The following DNASE1 variants were observed in gnomAD, a reference collection of about 807,000 sequenced individuals.
DNASE1 encodes the protein deoxyribonuclease-1.
A neutral mutation model predicts 33.9 loss-of-function variants in DNASE1; 40 were observed. The ratio of observed to expected loss-of-function variants is 1.18; its 90% CI spans 0.92 to 1.54. DNASE1 has a LOEUF of 1.54. Ranked by LOEUF, DNASE1 falls within the 40% of genes most tolerant of loss-of-function variation. DNASE1 has a pLI of 0.00. For missense variants in DNASE1, 518 were observed against 372.6 expected (o/e 1.39, Z -3.21); for synonymous variants, 216 against 160.0 (o/e 1.35, Z -2.64).
chr16:3,625,161 CCAGG>C (rs2041466591), intron 1 of DNASE1, among the ~76,000 whole-genome samples: 3 of 152,202 alleles, frequency 2.0e-5, no homozygotes, highest in Admixed American at 2.0e-4. Flanking sequence ...CAAAAGTTAG[CCAGG>C]TGTGGTGGTG....
chr16:3,662,079 C>T (rs2043112125), downstream of DNASE1: 2 of 1,613,268 alleles, frequency 1.2e-6, no homozygotes. Flanking sequence ...GGCGGGCAGC[C>T]CCCATCTCCA....
chr16:3,650,257 C>G (rs571378795), upstream of DNASE1, among the ~76,000 whole-genome samples: 13 of 152,286 alleles, frequency 8.5e-5, no homozygotes, highest in East Asian at 2.5e-3. Flanking sequence ...TGAGCATCAT[C>G]TGGTGGAATC....
chr16:3,656,342 AATGGGTTGAGCAG>A (rs2042618728), intron 4 of DNASE1, among the ~76,000 whole-genome samples, 157 bp downstream of exon 4: 1 of 151,296 alleles, frequency 6.6e-6, no homozygotes. Flanking sequence ...GTCCCGGACC[AATGGGTTGAGCAG>A]GTGCCTGGCT....
At chr16:3,620,476 G>T (rs1219987875) in intron 1 of DNASE1, among the ~76,000 whole-genome samples, 1 of 150,128 alleles carries the variant, frequency 6.7e-6, no homozygotes, top group Non-Finnish European at 1.5e-5. Context: ...CTGTGATCAT[G>T]CCACTCTACT....
rs930538350 is a variant in DNASE1, at chr16:3,654,716, T to C, written c.-330T>C. On this transcript the variant is annotated 5_prime_UTR_variant, in exon 1 of 9. Transcript: ENST00000246949. ...GCAGTTTTTACAGCAGCAAGAAACCTGTGCTTACAGAAAGAAACACGTGCT... is the reference window on the plus strand; with the variant it reads ...GCAGTTTTTACAGCAGCAAGAAACCCGTGCTTACAGAAAGAAACACGTGCT... 1 of 399,432 alleles carries C rather than the reference T, an allele frequency of 2.5e-6. No homozygotes were observed. The highest frequency in any genetic ancestry group is 4.4e-6 in the Non-Finnish European group (1 of 226,764). The allele number at this position is 399,432 out of a possible 1,614,324, so 24.7% of individuals were successfully genotyped here. A position where few individuals can be genotyped will look rare whatever the true frequency, so the allele number is the denominator to read the frequency against.
At chr16:3,650,366 G>A (rs1287743087), upstream of DNASE1, among the ~76,000 whole-genome samples, 1 of 151,988 alleles carries the variant, frequency 6.6e-6, no homozygotes, top group Non-Finnish European at 1.5e-5. Context: ...AGGCTAATTT[G>A]TATTAATCTG....
exon 10 of DNASE1, chr16:3,663,529 T>A: frequency 6.2e-7 from 1 of 1,613,926 alleles, no homozygotes; most frequent in South Asian, 1.1e-5. Flanking sequence ...TGCAGCAGGG[T>A]GAGCTCATCA....
intron 1 of DNASE1, among the ~76,000 whole-genome samples, chr16:3,628,705 C>T (rs960759227): frequency 2.6e-5 from 4 of 151,320 alleles, no homozygotes; most frequent in African/African-American, 7.3e-5. Context: ...ACTATAGGCG[C>T]CCGCCACCAC....
downstream of DNASE1, chr16:3,658,255 TTATGAGGGGCATGG>T (rs1567215284): frequency 1.3e-6 from 2 of 1,580,236 alleles, no homozygotes; most frequent in Non-Finnish European, 1.7e-6. Context: ...GAGAAACCCA[TTATGAGGGGCATGG>T]GGCACCTTTT....
chr16:3,633,087 T>G (rs181046131), intron 1 of DNASE1, among the ~76,000 whole-genome samples: 35 of 152,358 alleles, frequency 2.3e-4, no homozygotes, highest in African/African-American at 7.5e-4. Context: ...ACATTCTCTA[T>G]TACTTATTTG....
At chr16:3,618,603 G>T (rs886142172) in intron 1 of DNASE1, among the ~76,000 whole-genome samples, 6 of 152,112 alleles carry the variant, frequency 3.9e-5, no homozygotes, top group African/African-American at 1.4e-4. Context: ...GGTGGTGGGT[G>T]CCTGAATCCC....
chr16:3,623,624 A>G (rs555719384), intron 1 of DNASE1, among the ~76,000 whole-genome samples: 69 of 152,252 alleles, frequency 4.5e-4, no homozygotes, highest in African/African-American at 1.5e-3. Flanking sequence ...CTCAACAAGA[A>G]AAAAAAACCC....
downstream of DNASE1, chr16:3,658,755 C>CCTGGGTCCCTGCAGTCATCCTAA (rs752930509): frequency 6.3e-7 from 1 of 1,594,490 alleles, no homozygotes; most frequent in Non-Finnish European, 8.6e-7. Context: ...GGGCTGGTAG[C>CCTGGGTCCCTGCAGTCATCCTAA]CTGGGTCCCT....
chr16:3,640,203 A>T (rs1419385611), upstream of DNASE1, among the ~76,000 whole-genome samples: 3 of 152,154 alleles, frequency 2.0e-5, no homozygotes, highest in East Asian at 5.8e-4. Flanking sequence ...CTTCCTCAGG[A>T]GTCTTTCCTG....
chr16:3,617,519 TG>T (rs929416389), intron 1 of DNASE1, among the ~76,000 whole-genome samples: 19 of 152,220 alleles, frequency 1.2e-4, no homozygotes, highest in Non-Finnish European at 2.5e-4. Context: ...ACCCACAGAA[TG>T]GGAGATATTT....
At chr16:3,641,061 A>C (rs573937806), upstream of DNASE1, 3 of 397,748 alleles carry the variant, frequency 7.5e-6, no homozygotes, top group South Asian at 4.2e-4. Flanking sequence ...CCCAGCCCCC[A>C]GGTGCTGTTG....
intron 1 of DNASE1, among the ~76,000 whole-genome samples, chr16:3,627,415 G>C (rs778851025): frequency 2.6e-5 from 4 of 151,954 alleles, no homozygotes; most frequent in Non-Finnish European, 5.9e-5. Flanking sequence ...GGGACTATGG[G>C]TGTGTGCCAC....
intron 1 of DNASE1, among the ~76,000 whole-genome samples, chr16:3,618,772 A>G (rs1386404363): frequency 6.6e-6 from 1 of 152,228 alleles, no homozygotes; most frequent in African/African-American, 2.4e-5. Flanking sequence ...CCTCATATTC[A>G]GTCTAAATGC....
chr16:3,658,813 C>G (rs774787607), downstream of DNASE1: 10 of 1,613,806 alleles, frequency 6.2e-6, no homozygotes, highest in Admixed American at 1.7e-4. Flanking sequence ...AGCAGCTGAG[C>G]CAGGCCAGGC....
Sources: allele counts gnomAD v4.1 joint callset (sites outside exome capture counted in the v4.1 genomes callset), GRCh38; gene constraint gnomAD v4.1.1; transcripts MANE v1.5; gene names NCBI Gene and HGNC (gene_info 2026-07-23, HGNC 2026-07-21).